PKD2: variants seen among roughly 807,000 people sequenced by gnomAD.
PKD2 encodes the protein polycystin 2, transient receptor potential cation channel.
A neutral mutation model predicts 105.9 loss-of-function variants in PKD2; 48 were observed. That is an observed-to-expected ratio of 0.45 (90% confidence interval 0.36 to 0.58). The LOEUF (loss-of-function observed/expected upper bound fraction) is 0.58, where lower values mean the gene tolerates loss of function less well. PKD2 is among the 20% of genes least tolerant of loss of function. The pLI, the probability that PKD2 is intolerant of heterozygous loss-of-function variation, is 0.00. For missense variants in PKD2, 1,078 were observed against 1,255.3 expected, an observed-to-expected ratio of 0.86 and a Z score of 2.13; for synonymous variants, 464 against 481.1, an observed-to-expected ratio of 0.96 and a Z score of 0.46.
intron 2 of PKD2, among the ~76,000 whole-genome samples, chr4:88,035,513 A>T: frequency 6.6e-6 from 1 of 152,098 alleles, no homozygotes. Flanking sequence ...GGATTGGGGG[A>T]GGGAGTGGCA....
intron 13 of PKD2, among the ~76,000 whole-genome samples, chr4:88,070,262 T>G (rs747164472): frequency 6.6e-6 from 1 of 152,112 alleles, no homozygotes. Context: ...CTTTCAAGAT[T>G]TTTTTGCTTT....
At chr4:88,068,710 T>C (rs1410384926) in intron 13 of PKD2, among the ~76,000 whole-genome samples, 1 of 152,248 alleles carries the variant, frequency 6.6e-6, no homozygotes, top group Non-Finnish European at 1.5e-5. Context: ...TTGAGAAGAA[T>C]GAATATTCTG....
Position 88,042,369 on chromosome 4 carries a change from G to A in PKD2, c.1095-864G>A, listed in dbSNP as rs144203484. 6.6e-5 allele frequency among the ~76,000 whole-genome samples: 10 copies of A among 152,298 alleles called. No homozygotes were observed. The East Asian group carries it at 1.5e-3, about 24-fold the overall frequency. ...AGACTTACTCACTATCATGAGACCA[G>A]CATGGGAAAGACCTGCCCCCATGAT... On this transcript the variant is annotated intron_variant, in intron 4 of 14. Coordinates refer to ENST00000237596, the MANE Select transcript of PKD2 (RefSeq NM_000297.4).
intron 8 of PKD2, among the ~76,000 whole-genome samples, chr4:88,057,680 C>A (rs964669268): frequency 6.6e-6 from 1 of 152,026 alleles, no homozygotes; most frequent in African/African-American, 2.4e-5. Context: ...GTGATCCGCC[C>A]GCCTCGGCCT....
chr4:88,040,416 A>G (rs143463123), intron 4 of PKD2, among the ~76,000 whole-genome samples: 60 of 152,318 alleles, frequency 3.9e-4, no homozygotes, highest in African/African-American at 1.2e-3. Context: ...TGCTGGATGC[A>G]TTCGAGTGAT....
chr4:88,030,198 C>T (rs1727096010), intron 2 of PKD2, among the ~76,000 whole-genome samples: 2 of 152,148 alleles, frequency 1.3e-5, no homozygotes, highest in African/African-American at 4.8e-5. Flanking sequence ...GTCACCCAGG[C>T]TGGGGTGCAG....
chr4:88,063,687 T>A (rs1205858846), intron 10 of PKD2, among the ~76,000 whole-genome samples: 1 of 152,192 alleles, frequency 6.6e-6, no homozygotes, highest in Non-Finnish European at 1.5e-5. Context: ...ACTGCGATCA[T>A]TCAAGAGATC....
intron 13 of PKD2, among the ~76,000 whole-genome samples, chr4:88,074,375 C>T (rs1403805178): frequency 6.6e-6 from 1 of 152,050 alleles, no homozygotes; most frequent in Non-Finnish European, 1.5e-5. Flanking sequence ...TGGCCTCAAG[C>T]GATCTGCACA....
chr4:88,022,039 C>T (rs1417776335), intron 2 of PKD2, among the ~76,000 whole-genome samples: 4 of 152,198 alleles, frequency 2.6e-5, no homozygotes, highest in Admixed American at 2.6e-4. Flanking sequence ...AGACACTACA[C>T]TGTGGCTTGT....
intron 1 of PKD2, among the ~76,000 whole-genome samples, chr4:88,014,125 C>T (rs1726476887): frequency 1.3e-5 from 2 of 152,106 alleles, no homozygotes; most frequent in South Asian, 4.1e-4. Context: ...AAACAAAAAC[C>T]ATCAGAACTG....
rs372745575 is a variant in PKD2 at position 88,065,861 on chromosome 4, C to T, written c.2340C>T (p.Asp780=). The change falls in exon 12 of 15, where the codon GAC becomes GAT. Residue 780 remains aspartate, a synonymous_variant. Coordinates refer to ENST00000237596, the MANE Select transcript of PKD2 (RefSeq NM_000297.4). ...LTEHEHQQMR[D]DLEKEREDLD... ...AACATGAACATCAGCAGATGAGAGA[C>T]GACTTGGAGAAAGAGAGGGTGGGTC... 2.2e-5 allele frequency: 35 copies of T among 1,607,672 alleles called. No individual in the cohort carries two copies. In the African/African-American group the frequency reaches 2.9e-4, roughly 14 times the overall value.
rs558535613 is a variant in PKD2, at chr4:88,042,102, C to T, written c.1095-1131C>T. Among the ~76,000 whole-genome samples, 17 of 152,346 alleles carry T rather than the reference C, an allele frequency of 1.1e-4. No individual in the cohort carries two copies. The South Asian group carries it at 1.5e-3, about 13-fold the overall frequency. On this transcript the variant is annotated intron_variant, in intron 4 of 14. Coordinates refer to ENST00000237596, the MANE Select transcript of PKD2 (RefSeq NM_000297.4). ...ACTTCTTCTCTTGACCAATGGCTCACGGTTGAAAATGCCCTTCCCATTTGT... is the reference window on the plus strand; with the variant it reads ...ACTTCTTCTCTTGACCAATGGCTCATGGTTGAAAATGCCCTTCCCATTTGT...
At chr4:88,008,950 G>A (rs1269950748) in intron 1 of PKD2, among the ~76,000 whole-genome samples, 2 of 152,094 alleles carry the variant, frequency 1.3e-5, no homozygotes, top group African/African-American at 4.8e-5. Context: ...TTATTTGGCC[G>A]TTTCTAATTC....
rs1369969750 is a variant in PKD2 at position 88,043,421 on chromosome 4, T to G, written c.1283T>G (p.Val428Gly). The change falls in exon 5 of 15, where the codon GTG (valine) becomes GGG (glycine). Residue 428 changes from valine (V) to glycine (G), a missense_variant. By Grantham distance (109) the Val-to-Gly change is moderately radical. This residue lies in a region of PKD2 where 868 missense variants were observed against 1,067.3 expected (regional missense o/e 0.81). Transcript: ENST00000237596. Reference protein sequence around the residue: ...GTRATFIDFSVYNANINLFCV... With the variant: ...GTRATFIDFSGYNANINLFCV... ...AGGGCAACTTTTATTGACTTCTCAG[T>G]GTACAACGCCAACATTAACCTGTTC... The G allele has an allele frequency of 2.2e-5, 35 of 1,613,858 alleles. No individual in the cohort carries two copies. Among genetic ancestry groups the G allele is most frequent in the Non-Finnish European group, 2.8e-5 (33 of 1,179,782 alleles).
intron 6 of PKD2, among the ~76,000 whole-genome samples, chr4:88,050,946 A>G (rs1416970113): frequency 3.3e-5 from 5 of 152,192 alleles, no homozygotes; most frequent in Admixed American, 3.3e-4. Flanking sequence ...GGGCTAATGA[A>G]GTGGTCTCTG....
intron 3 of PKD2, among the ~76,000 whole-genome samples, chr4:88,036,919 A>G (rs1404100270): frequency 1.3e-5 from 2 of 152,212 alleles, no homozygotes; most frequent in Middle Eastern, 3.2e-3. Context: ...GATTCAAAGT[A>G]AGCACATTCT....
At chr4:88,014,502 T>C (rs1032551692) in intron 1 of PKD2, among the ~76,000 whole-genome samples, 1 of 112,886 alleles carries the variant, frequency 8.9e-6, no homozygotes, top group African/African-American at 3.2e-5. Flanking sequence ...AAAAAAAAAA[T>C]TCAAGATTCT....
intron 7 of PKD2, among the ~76,000 whole-genome samples, chr4:88,053,768 A>T (rs990712834): frequency 2.0e-5 from 3 of 152,166 alleles, no homozygotes; most frequent in African/African-American, 7.2e-5. Flanking sequence ...TGATCATAAC[A>T]TAGTAATAAT....
chr4:88,037,241 A>T (rs1031303768), intron 3 of PKD2, among the ~76,000 whole-genome samples: 20 of 151,946 alleles, frequency 1.3e-4, no homozygotes, highest in African/African-American at 4.8e-4. Flanking sequence ...TCTCAAAAAA[A>T]ATCCCCCCCA....
Sources: allele counts gnomAD v4.1 joint callset (sites outside exome capture counted in the v4.1 genomes callset), GRCh38; gene constraint gnomAD v4.1.1; regional missense constraint gnomAD v4.1.1; transcripts MANE v1.5; gene names NCBI Gene and HGNC (gene_info 2026-07-23, HGNC 2026-07-21).